Variants in EPDR1 observed in about 807,000 individuals in gnomAD.
EPDR1 encodes mammalian ependymin-related protein 1.
A neutral mutation model predicts 23.7 loss-of-function variants in EPDR1; 27 were observed. That is an observed-to-expected ratio of 1.14 (90% confidence interval 0.84 to 1.57). The LOEUF is 1.57. EPDR1 is among the 40% of genes most tolerant of loss of function. EPDR1 has a pLI of 0.00. For missense variants in EPDR1, 349 were observed against 290.4 expected, an observed-to-expected ratio of 1.20 and a Z score of -1.47; for synonymous variants, 137 against 118.2, an observed-to-expected ratio of 1.16 and a Z score of -1.03.
chr7:37,936,974 C>T (rs1430656090), intron 1 of EPDR1, among the ~76,000 whole-genome samples: 1 of 152,082 alleles, frequency 6.6e-6, no homozygotes, highest in Non-Finnish European at 1.5e-5. Context: ...AAGAAGGACA[C>T]AAGAGGAGGA....
intron 1 of EPDR1, among the ~76,000 whole-genome samples, chr7:37,929,578 T>C (rs1460034396): frequency 6.6e-6 from 1 of 152,254 alleles, no homozygotes; most frequent in Non-Finnish European, 1.5e-5. Context: ...AATAGATATG[T>C]ATTTTCTTTC....
rs937181500 is a variant in EPDR1 at position 37,943,292 on chromosome 7, C to A, written c.270-5548C>A. Among the ~76,000 whole-genome samples the A allele has an allele frequency of 2.0e-5, 3 of 152,228 alleles. No individual in the cohort carries two copies. In the East Asian group the frequency reaches 5.8e-4, roughly 29 times the overall value. ...TCTCACAATTGCCTCTGTGACAGAG[C>A]CAGTCTTTGATCTCGCCTCCAGGAA... On this transcript the variant is annotated intron_variant, in intron 1 of 2. Transcript: ENST00000199448.
chr7:37,936,381 C>T lies in EPDR1; in HGVS notation c.270-12459C>T, dbSNP rs77007687. Among the ~76,000 whole-genome samples, 1,161 of 152,036 alleles carry T rather than the reference C, an allele frequency of 7.6e-3. 13 individuals are homozygous for T. Among genetic ancestry groups the T allele is most frequent in the African/African-American group, 0.026 (1,096 of 41,482 alleles). On this transcript the variant is annotated intron_variant, in intron 1 of 2. Coordinates refer to ENST00000199448, the MANE Select transcript of EPDR1 (RefSeq NM_017549.5). ...TGTGTAGTTCTTAATTTACTTGAAA[C>T]CACAGCCCTTTTTCTGCTAAACTCA...
rs1583658966 is a variant in EPDR1, at chr7:37,920,797, C to T, written c.-143C>T. 6.2e-7 allele frequency: 1 copy of T among 1,610,254 alleles called. No homozygotes were observed. The highest frequency in any genetic ancestry group is 2.2e-5 in the East Asian group (1 of 44,764). ...TCCGGATCTCAAAAGCGGCAGAGGC[C>T]ACCGAAGGGACAGGAAGCACTTTGG... On this transcript the variant is annotated 5_prime_UTR_variant, in exon 1 of 3. Coordinates refer to ENST00000199448, the MANE Select transcript of EPDR1 (RefSeq NM_017549.5).
At chr7:37,946,353 G>A (rs762362215) in intron 1 of EPDR1, among the ~76,000 whole-genome samples, 1 of 152,146 alleles carries the variant, frequency 6.6e-6, no homozygotes, top group Non-Finnish European at 1.5e-5. Context: ...CATCAACAGT[G>A]TAAAAGTGTT....
At chr7:37,922,466 T>A (rs6945382) in intron 1 of EPDR1, among the ~76,000 whole-genome samples, 2,170 of 152,266 alleles carry the variant, frequency 0.014, 35 homozygotes, top group African/African-American at 0.049. Context: ...ACAGTAATAA[T>A]AATAACAACT....
chr7:37,932,243 C>G (rs1274800280), intron 1 of EPDR1, among the ~76,000 whole-genome samples: 1 of 152,162 alleles, frequency 6.6e-6, no homozygotes, highest in East Asian at 1.9e-4. Context: ...TTGTTTTTGC[C>G]ATAGTCAATC....
intron 1 of EPDR1, among the ~76,000 whole-genome samples, chr7:37,928,363 C>T (rs946513526): frequency 6.6e-6 from 1 of 151,528 alleles, no homozygotes; most frequent in Admixed American, 6.6e-5. Flanking sequence ...TCTATTTTCC[C>T]CCTTAACATT....
intron 1 of EPDR1, among the ~76,000 whole-genome samples, chr7:37,929,728 T>A (rs1029409796): frequency 1.3e-5 from 2 of 152,208 alleles, no homozygotes; most frequent in African/African-American, 4.8e-5. Context: ...CTGCAGTGTT[T>A]TGAAAAGTTT....
At chr7:37,947,450 T>C (rs1289744150) in intron 1 of EPDR1, among the ~76,000 whole-genome samples, 1 of 152,244 alleles carries the variant, frequency 6.6e-6, no homozygotes, top group Non-Finnish European at 1.5e-5. Flanking sequence ...GACGCACGAC[T>C]GTGTTTTGAC....
intron 1 of EPDR1, among the ~76,000 whole-genome samples, chr7:37,939,086 C>A (rs994642528): frequency 6.6e-6 from 1 of 151,756 alleles, no homozygotes; most frequent in Non-Finnish European, 1.5e-5. Context: ...TCACACCATT[C>A]TCCTGCCTCA....
chr7:37,946,212 G>C (rs1291177245), intron 1 of EPDR1, among the ~76,000 whole-genome samples: 1 of 152,156 alleles, frequency 6.6e-6, no homozygotes, highest in Non-Finnish European at 1.5e-5. Context: ...TGTATCTTTA[G>C]AATAGAATGA....
intron 1 of EPDR1, among the ~76,000 whole-genome samples, chr7:37,945,874 C>T (rs544935269): frequency 2.0e-5 from 3 of 152,268 alleles, no homozygotes; most frequent in African/African-American, 4.8e-5. Flanking sequence ...GATGCTCCCC[C>T]TCCCCCAAGC....
At chr7:37,934,249 T>C (rs1004671545) in intron 1 of EPDR1, among the ~76,000 whole-genome samples, 1 of 152,214 alleles carries the variant, frequency 6.6e-6, no homozygotes, top group African/African-American at 2.4e-5. Context: ...GTGCTGGGAT[T>C]ACAGGCGTGA....
At position 37,921,076 on chromosome 7, in the gene EPDR1, A is replaced by G; in HGVS notation, c.137A>G (p.Gln46Arg). The change falls in exon 1 of 3, where the codon CAG becomes CGG. Residue 46 changes from glutamine to arginine, a missense_variant. Transcript: ENST00000199448. ...GCCCCGCGCCCGTGCCAGGCGCCGC[A>G]GCAGTGGGAGGGGCGCCAGGTTATG... is the stretch of plus-strand genomic sequence containing the variant. ...VGAPRPCQAP[Q>R]QWEGRQVMYQ... 1 of 1,573,052 alleles carries G rather than the reference A, an allele frequency of 6.4e-7. No homozygotes were observed. Among genetic ancestry groups the G allele is most frequent in the Non-Finnish European group, 8.6e-7 (1 of 1,166,042 alleles).
At position 37,949,061 on chromosome 7, in the gene EPDR1, AG is replaced by A. The variant is rs1562865138; in HGVS notation, c.478+14del. On this transcript the variant is annotated intron_variant, in intron 2 of 2. Coordinates refer to ENST00000199448, the MANE Select transcript of EPDR1 (RefSeq NM_017549.5). ...TCAGCTAGATCCTGTAAGGGTTCAAAGAATCTAAGCATTGTATTCAGCATGC... is the reference window on the plus strand; with the variant it reads ...TCAGCTAGATCCTGTAAGGGTTCAAAAATCTAAGCATTGTATTCAGCATGC... 3 of 1,612,278 alleles carry A rather than the reference AG, an allele frequency of 1.9e-6. No homozygotes were observed. In the Admixed American group the frequency reaches 5.0e-5, roughly 27 times the overall value.
At chr7:37,921,310 C>G (rs1296791052) in intron 1 of EPDR1, 102 bp downstream of exon 1, 2 of 1,445,748 alleles carry the variant, frequency 1.4e-6, no homozygotes, top group Non-Finnish European at 1.8e-6. Flanking sequence ...CGGCCCCTTG[C>G]AGCTCCTCCC....
chr7:37,938,635 A>C (rs1458480318), intron 1 of EPDR1, among the ~76,000 whole-genome samples: 1 of 152,146 alleles, frequency 6.6e-6, no homozygotes, highest in East Asian at 1.9e-4. Context: ...TAACTGGACC[A>C]CTTCTACCAC....
intron 1 of EPDR1, among the ~76,000 whole-genome samples, chr7:37,934,443 C>CTT (rs201896724): frequency 3.4e-4 from 50 of 148,908 alleles, no homozygotes; most frequent in African/African-American, 6.4e-4. Context: ...GGACTCTCCT[C>CTT]TTTTTTTTTT....
Sources: gnomAD v4.1 joint callset for allele counts (sites outside exome capture counted in the v4.1 genomes callset) on GRCh38, gnomAD v4.1.1 for gene constraint, MANE v1.5 for transcripts, NCBI Gene and HGNC (gene_info 2026-07-23, HGNC 2026-07-21) for gene names.